Variants in ARL13B observed in about 807,000 individuals in gnomAD.
ARL13B encodes the protein ARF like GTPase 13B, also known as ADP-ribosylation factor-like protein 13B.
ARL13B carries 36 observed loss-of-function variants against 56.1 expected under a neutral mutation model. The ratio of observed to expected loss-of-function variants is 0.64; its 90% CI spans 0.49 to 0.85. The LOEUF is 0.85. Among genes scored for constraint, ARL13B ranks in the 40% least tolerant of loss-of-function variants. The pLI, the probability that ARL13B is intolerant of heterozygous loss-of-function variation, is 0.00. For missense variants in ARL13B, 519 were observed against 507.1 expected (o/e 1.02, Z -0.23); for synonymous variants, 178 against 171.1 (o/e 1.04, Z -0.32).
chr3:94,044,442 A>C (rs1311038547), intron 7 of ARL13B, among the ~76,000 whole-genome samples: 2 of 138,592 alleles, frequency 1.4e-5, no homozygotes, highest in African/African-American at 5.6e-5. Context: ...GGAAGTGAGG[A>C]GCGCCTCTGC....
chr3:94,039,499 CAAAAAAAAAA>C (rs11437061), intron 5 of ARL13B, among the ~76,000 whole-genome samples: 1 of 65,286 alleles, frequency 1.5e-5, no homozygotes, highest in Non-Finnish European at 3.4e-5. Flanking sequence ...GACTCCGACT[CAAAAAAAAAA>C]AAAAAAAAAA....
Position 94,039,886 on chromosome 3 carries a change from A to G in ARL13B, c.696A>G (p.Gln232=), listed in dbSNP as rs750426767. The G allele has an allele frequency of 3.7e-6, 6 of 1,614,016 alleles. No homozygotes were observed. The highest frequency in any genetic ancestry group is 4.2e-6 in the Non-Finnish European group (5 of 1,179,948). Residue 232 remains glutamine (Q), a synonymous_variant, in exon 6 of 10, where the codon CAA becomes CAG. Coordinates refer to ENST00000394222, the MANE Select transcript of ARL13B (RefSeq NM_001174150.2). Reference sequence around the variant, plus strand: ...ATTTTTCCTCAAACGATAGAAAACAAAATGAACAGGAGCAGGCTGAACTCG... The same window carrying G: ...ATTTTTCCTCAAACGATAGAAAACAGAATGAACAGGAGCAGGCTGAACTCG... The part of the protein sequence containing the change: ...RVRKLREERK[Q]NEQEQAELDG...
At chr3:93,997,666 T>G (rs1575945693) in intron 2 of ARL13B, among the ~76,000 whole-genome samples, 1 of 152,166 alleles carries the variant, frequency 6.6e-6, no homozygotes, top group African/African-American at 2.4e-5. Flanking sequence ...ATTTTTATAC[T>G]GTAGTGTGAA....
Position 94,049,484 on chromosome 3 carries a change from C to G in ARL13B, c.1103C>G (p.Ala368Gly). 6.2e-7 allele frequency: 1 copy of G among 1,611,484 alleles called. No homozygotes were observed. Among genetic ancestry groups the G allele is most frequent in the Non-Finnish European group, 8.5e-7 (1 of 1,178,992 alleles). The change falls in exon 8 of 10, where the codon GCT becomes GGT. Residue 368 changes from alanine to glycine, a missense_variant. Transcript: ENST00000394222. ...GAACCACTTAATATAGATGACTGTG[C>G]TCCTGAGAGTCCAACGCCACCCCCA... Reference protein sequence around the residue: ...RVEPLNIDDCAPESPTPPPPP... With the variant: ...RVEPLNIDDCGPESPTPPPPP...
chr3:94,054,677 AT>A lies in ARL13B; in HGVS notation c.*1420del. The A allele has an allele frequency of 2.6e-6, 1 of 381,012 alleles. No individual in the cohort carries two copies. The highest frequency in any genetic ancestry group is 5.1e-6 in the Non-Finnish European group (1 of 195,946). 23.6% of individuals were successfully genotyped at this position (381,012 alleles called of 1,614,324 possible). On this transcript the variant is annotated 3_prime_UTR_variant, in exon 10 of 10. Coordinates refer to ENST00000394222, the MANE Select transcript of ARL13B (RefSeq NM_001174150.2). ...CTTCAGAACATCAGATTTTATTCAC[AT>A]TTTTTAACTCACTGAACTTTAATAA...
chr3:94,022,826 A>T (rs560938075), intron 3 of ARL13B, among the ~76,000 whole-genome samples: 3 of 152,112 alleles, frequency 2.0e-5, no homozygotes, highest in Non-Finnish European at 4.4e-5. Context: ...CAAGAAACAT[A>T]TAACATTTAA....
At chr3:94,002,375 T>C (rs2076069478) in intron 2 of ARL13B, among the ~76,000 whole-genome samples, 1 of 152,178 alleles carries the variant, frequency 6.6e-6, no homozygotes, top group South Asian at 2.1e-4. Context: ...CCACCACATA[T>C]GGCTTTTGAA....
intron 2 of ARL13B, among the ~76,000 whole-genome samples, chr3:94,001,098 T>G (rs2076048680): frequency 6.6e-6 from 1 of 152,066 alleles, no homozygotes; most frequent in Non-Finnish European, 1.5e-5. Flanking sequence ...TGAAGATCAG[T>G]AGAGGACAGA....
chr3:93,996,052 C>G, intron 2 of ARL13B, 108 bp downstream of exon 2: 1 of 1,089,200 alleles, frequency 9.2e-7, no homozygotes, highest in Non-Finnish European at 1.4e-6. Context: ...ATACTGTGCA[C>G]TGCATTACTT....
At chr3:94,007,430 A>G (rs1004445090) in intron 3 of ARL13B, among the ~76,000 whole-genome samples, 2 of 152,154 alleles carry the variant, frequency 1.3e-5, no homozygotes, top group Non-Finnish European at 2.9e-5. Context: ...TTCTGTTTTC[A>G]TGGTGCTGAT....
chr3:94,052,988 G>T (rs1439254511), intron 9 of ARL13B, among the ~76,000 whole-genome samples, 199 bp from the exon 10 acceptor site: 2 of 152,146 alleles, frequency 1.3e-5, no homozygotes, highest in Non-Finnish European at 2.9e-5. Flanking sequence ...GGCTCAACAG[G>T]ATGGAATGTT....
intron 1 of ARL13B, among the ~76,000 whole-genome samples, chr3:93,992,022 T>A (rs572937195): frequency 1.3e-5 from 2 of 152,332 alleles, no homozygotes; most frequent in South Asian, 4.1e-4. Flanking sequence ...TCAACACTAT[T>A]ATAATTCTCT....
In ARL13B at chr3:94,035,355, A is replaced by C; in HGVS notation, c.405A>C (p.Glu135Asp). 1 of 1,610,590 alleles carries C rather than the reference A, an allele frequency of 6.2e-7. No homozygotes were observed. The highest frequency in any genetic ancestry group is 8.5e-7 in the Non-Finnish European group (1 of 1,178,972). Reference sequence around the variant, plus strand: ...GGTTGGCAAATAAACAAGATAAAGAAGGAGCTTTAGGAGAAGCTGATGTCA... The same window carrying C: ...GGTTGGCAAATAAACAAGATAAAGACGGAGCTTTAGGAGAAGCTGATGTCA... ...ILVLANKQDK[E>D]GALGEADVIE... The change falls in exon 4 of 10, where the codon GAA (glutamate) becomes GAC (aspartate). Residue 135 changes from glutamate to aspartate, a missense_variant. By Grantham distance (45) the Glu-to-Asp change is conservative. Coordinates refer to ENST00000394222, the MANE Select transcript of ARL13B (RefSeq NM_001174150.2).
At position 94,043,113 on chromosome 3, in the gene ARL13B, GAC is replaced by G; in HGVS notation, c.901_902del (p.Gln301ArgfsTer4). On this transcript the variant is annotated frameshift_variant, in exon 7 of 10. Coordinates refer to ENST00000394222, the MANE Select transcript of ARL13B (RefSeq NM_001174150.2). LOFTEE classifies it high-confidence loss of function. ...KHKMEHEQIETQGQVNHNGQK... is the reference protein window; with the variant it reads ...KHKMEHEQIEXQGQVNHNGQK... ...ATAAAATGGAGCATGAGCAAATAGA[GAC>G]ACAAGGCCAGGTTAATCACAATGGC... 6.2e-7 allele frequency: 1 copy of G among 1,613,644 alleles called. No individual in the cohort carries two copies. The highest frequency in any genetic ancestry group is 1.3e-5 in the African/African-American group (1 of 74,984).
At chr3:94,036,976 C>G (rs1381939310) in intron 5 of ARL13B, among the ~76,000 whole-genome samples, 2 of 152,088 alleles carry the variant, frequency 1.3e-5, no homozygotes, top group Non-Finnish European at 2.9e-5. Flanking sequence ...CCTTACGTAG[C>G]CATTGTCTTC....
intron 1 of ARL13B, among the ~76,000 whole-genome samples, chr3:93,988,281 T>C (rs1710566575): frequency 6.6e-6 from 1 of 152,090 alleles, no homozygotes; most frequent in African/African-American, 2.4e-5. Flanking sequence ...TTTAAAATGT[T>C]CAAGACATTA....
chr3:93,987,909 G>A (rs1238050804), intron 1 of ARL13B, among the ~76,000 whole-genome samples: 2 of 152,058 alleles, frequency 1.3e-5, no homozygotes, highest in Non-Finnish European at 2.9e-5. Context: ...GCCACCCAAA[G>A]TGCTGTGATT....
intron 8 of ARL13B, 37 bp downstream of exon 8, chr3:94,049,559 T>G: frequency 7.5e-6 from 10 of 1,336,782 alleles, no homozygotes; most frequent in Non-Finnish European, 1.1e-5. Context: ...TTTAGAAATA[T>G]TGCTTTAAAC....
chr3:93,988,628 G>A, intron 1 of ARL13B: 1 of 493,806 alleles, frequency 2.0e-6, no homozygotes, highest in Non-Finnish European at 4.0e-6. Flanking sequence ...CATGGTATAT[G>A]ATATTAATCA....
Sources: gnomAD v4.1 joint callset for allele counts (sites outside exome capture counted in the v4.1 genomes callset) on GRCh38, gnomAD v4.1.1 for gene constraint, MANE v1.5 for transcripts, NCBI Gene and HGNC (gene_info 2026-07-23, HGNC 2026-07-21) for gene names.